BACH2: variants seen among roughly 807,000 people sequenced by gnomAD.
BACH2 encodes BACH transcriptional regulator 2, also known as transcription regulator protein BACH2.
BACH2 carries 5 observed loss-of-function variants against 61.8 expected under a neutral mutation model. The observed-to-expected ratio is 0.08, with a 90% CI of 0.04 to 0.17. The LOEUF is 0.17. Among genes scored for constraint, BACH2 ranks in the 10% least tolerant of loss-of-function variants. The pLI, the probability that BACH2 is intolerant of heterozygous loss-of-function variation, is 1.00. For missense variants in BACH2, 824 were observed against 1,091.1 expected (o/e 0.76, Z 3.45); for synonymous variants, 446 against 440.1 (o/e 1.01, Z -0.17).
At chr6:90,293,084 A>G (rs561548533) in intron 1 of BACH2, among the ~76,000 whole-genome samples, 1 of 152,328 alleles carries the variant, frequency 6.6e-6, no homozygotes, top group Non-Finnish European at 1.5e-5. Flanking sequence ...AGAATTTCCG[A>G]AGAAAACAGC....
intron 6 of BACH2, among the ~76,000 whole-genome samples, chr6:90,006,246 G>A (rs1302100732): frequency 6.6e-6 from 1 of 152,182 alleles, no homozygotes; most frequent in Non-Finnish European, 1.5e-5. Context: ...AGAGACTTAC[G>A]TTTGTCAAAT....
intron 4 of BACH2, among the ~76,000 whole-genome samples, chr6:90,126,292 A>T (rs1218781081): frequency 6.6e-6 from 1 of 152,190 alleles, no homozygotes; most frequent in Non-Finnish European, 1.5e-5. Flanking sequence ...GATTATTAAC[A>T]TGTTTGAAAG....
At chr6:90,173,217 G>C (rs945218494) in intron 4 of BACH2, among the ~76,000 whole-genome samples, 10 of 151,884 alleles carry the variant, frequency 6.6e-5, no homozygotes, top group Admixed American at 6.6e-5. Context: ...TGGTCAAAAT[G>C]AATATAAATG....
intron 2 of BACH2, among the ~76,000 whole-genome samples, chr6:90,255,914 A>T (rs1770962125): frequency 6.6e-6 from 1 of 152,242 alleles, no homozygotes; most frequent in Admixed American, 6.5e-5. Context: ...ACACAGAGTG[A>T]CATATGTTGT....
chr6:90,296,090 C>T (rs1772363888), intron 1 of BACH2, among the ~76,000 whole-genome samples: 1 of 152,156 alleles, frequency 6.6e-6, no homozygotes, highest in Non-Finnish European at 1.5e-5. Flanking sequence ...CTGACAGCTG[C>T]TGCGGCTCGC....
intron 5 of BACH2, among the ~76,000 whole-genome samples, chr6:90,014,624 C>G (rs1323163071): frequency 6.7e-6 from 1 of 150,256 alleles, no homozygotes; most frequent in South Asian, 2.1e-4. Flanking sequence ...TACAGGTGTG[C>G]GCTACCATGC....
Position 90,060,918 on chromosome 6 carries a change from G to T in BACH2, c.-13+28043C>A, listed in dbSNP as rs141112173. ...GGGATGGCCAATTCTGCCTTTTCTG[G>T]CTTGTTTACTGTTGACATATATGCA... On this transcript the variant is annotated intron_variant, in intron 5 of 8. Transcript: ENST00000257749. Among the ~76,000 whole-genome samples the T allele has an allele frequency of 6.5e-3, 981 of 152,062 alleles. 26 individuals carry two copies. The highest frequency in any genetic ancestry group is 0.047 in the East Asian group (245 of 5,170).
At chr6:89,954,517 A>ATT (rs35054443) in intron 6 of BACH2, among the ~76,000 whole-genome samples, 110 of 114,468 alleles carry the variant, frequency 9.6e-4, no homozygotes, top group East Asian at 7.3e-3. Flanking sequence ...CCTTATCACC[A>ATT]TTTTTTTTTT....
intron 4 of BACH2, among the ~76,000 whole-genome samples, chr6:90,110,798 T>C (rs1384898731): frequency 1.3e-5 from 2 of 152,212 alleles, no homozygotes; most frequent in African/African-American, 4.8e-5. Flanking sequence ...CCAGTTCAGC[T>C]TGCGACTCAA....
chr6:90,280,933 T>A (rs971835930), intron 1 of BACH2, among the ~76,000 whole-genome samples: 1 of 152,240 alleles, frequency 6.6e-6, no homozygotes, highest in Non-Finnish European at 1.5e-5. Flanking sequence ...ACATCTCCTC[T>A]TCTCCATGTT....
intron 5 of BACH2, among the ~76,000 whole-genome samples, chr6:90,048,694 T>A (rs558937468): frequency 1.3e-5 from 2 of 152,362 alleles, no homozygotes; most frequent in Admixed American, 6.5e-5. Flanking sequence ...TTAATTATTT[T>A]AAAAATTCCC....
chr6:89,990,864 T>C (rs1411100425), intron 6 of BACH2, among the ~76,000 whole-genome samples: 3 of 152,238 alleles, frequency 2.0e-5, no homozygotes, highest in African/African-American at 7.2e-5. Flanking sequence ...GCCTGTTTTG[T>C]ATCCCTAGTA....
chr6:90,039,038 C>T (rs947773903), intron 5 of BACH2, among the ~76,000 whole-genome samples: 41 of 147,394 alleles, frequency 2.8e-4, no homozygotes, highest in Non-Finnish European at 5.7e-4. Flanking sequence ...GAAACTCCGT[C>T]TCCAAAAAAA....
In BACH2 at chr6:90,072,841, T is replaced by A. The variant is rs574431845; in HGVS notation, c.-13+16120A>T. Among the ~76,000 whole-genome samples, 41 of 152,188 alleles carry A rather than the reference T, an allele frequency of 2.7e-4. No individual in the cohort carries two copies. The South Asian group carries it at 8.3e-3, about 31-fold the overall frequency. On this transcript the variant is annotated intron_variant, in intron 5 of 8. Transcript: ENST00000257749. ...AAGTGAGAATAAAACTACCAAAAGC[T>A]GACAGAGGGTAACAAGCATTATTTC...
Position 90,032,446 on chromosome 6 carries a change from T to A in BACH2, c.-12-23590A>T, listed in dbSNP as rs77383593. On this transcript the variant is annotated intron_variant, in intron 5 of 8. Transcript: ENST00000257749. ...CCTACAGAATTGGAGGAAATTTTTG[T>A]AATCTACTCATCTGACAAAAGGCTA... Among the ~76,000 whole-genome samples the A allele has an allele frequency of 2.8e-5, 3 of 106,984 alleles. 1 individual carries two copies. The highest frequency in any genetic ancestry group is 5.1e-5 in the Non-Finnish European group (3 of 58,698). 70.2% of individuals were successfully genotyped at this position (106,984 alleles called of 152,430 possible).
At chr6:90,072,285 T>A (rs761589659) in intron 5 of BACH2, among the ~76,000 whole-genome samples, 1 of 152,162 alleles carries the variant, frequency 6.6e-6, no homozygotes, top group Non-Finnish European at 1.5e-5. Flanking sequence ...GTGAACTGTT[T>A]GATTAGGTTA....
At chr6:90,068,470 C>T (rs1395055636) in intron 5 of BACH2, among the ~76,000 whole-genome samples, 1 of 152,120 alleles carries the variant, frequency 6.6e-6, no homozygotes, top group East Asian at 1.9e-4. Context: ...GGGGTGTACA[C>T]AAGGCAAGCA....
chr6:90,053,398 GCCT>G (rs1229303406), intron 5 of BACH2, among the ~76,000 whole-genome samples: 1 of 152,064 alleles, frequency 6.6e-6, no homozygotes, highest in East Asian at 1.9e-4. Context: ...TCCCGCCTCA[GCCT>G]CCTGAGTAGC....
intron 3 of BACH2, among the ~76,000 whole-genome samples, chr6:90,243,047 T>A (rs1414974429): frequency 1.3e-5 from 1 of 76,228 alleles, no homozygotes; most frequent in Middle Eastern, 7.2e-3. Context: ...GCCCGGCTAA[T>A]TTTTTTTTTT....
Sources: allele counts gnomAD v4.1 joint callset (sites outside exome capture counted in the v4.1 genomes callset), GRCh38; gene constraint gnomAD v4.1.1; transcripts MANE v1.5; gene names NCBI Gene and HGNC (gene_info 2026-07-23, HGNC 2026-07-21).